Variants in LIN7A observed in about 807,000 individuals in gnomAD.
LIN7A encodes protein lin-7 homolog A.
A neutral mutation model predicts 29.8 loss-of-function variants in LIN7A; 25 were observed. The ratio of observed to expected loss-of-function variants is 0.84; its 90% confidence interval spans 0.61 to 1.17. LIN7A has a LOEUF of 1.17. Among genes scored for constraint, LIN7A ranks in the 50% most tolerant of loss-of-function variants. The probability of loss-of-function intolerance (pLI) is 0.00; values close to 1 mark genes in which losing one functional copy is unlikely to be tolerated. For missense variants in LIN7A, 239 were observed against 287.0 expected, an observed-to-expected ratio of 0.83 and a Z score of 1.21; for synonymous variants, 118 against 107.5, an observed-to-expected ratio of 1.10 and a Z score of -0.60.
intron 5 of LIN7A, among the ~76,000 whole-genome samples, chr12:80,801,192 A>G (rs1250831770): frequency 6.6e-6 from 1 of 152,198 alleles, no homozygotes; most frequent in Non-Finnish European, 1.5e-5. Context: ...ATACTTCTCT[A>G]CTGTCTAAAA....
intron 5 of LIN7A, among the ~76,000 whole-genome samples, chr12:80,798,447 A>G (rs1592840372): frequency 6.6e-6 from 1 of 152,172 alleles, no homozygotes; most frequent in Non-Finnish European, 1.5e-5. Flanking sequence ...TCCAGCTGTC[A>G]TGCTTTAAAG....
chr12:80,799,417 A>G (rs1358442884), intron 5 of LIN7A, among the ~76,000 whole-genome samples: 2 of 152,186 alleles, frequency 1.3e-5, no homozygotes, highest in Non-Finnish European at 2.9e-5. Flanking sequence ...ATCTCCATAA[A>G]CTATAAATAT....
At chr12:80,902,490 C>T (rs139458927) in intron 1 of LIN7A, among the ~76,000 whole-genome samples, 14 of 152,080 alleles carry the variant, frequency 9.2e-5, no homozygotes, top group African/African-American at 3.4e-4. Context: ...TTCCAATCTA[C>T]AAGTACGGGA....
intron 2 of LIN7A, among the ~76,000 whole-genome samples, chr12:80,869,422 T>A (rs1166558906): frequency 6.6e-6 from 1 of 152,078 alleles, no homozygotes; most frequent in Non-Finnish European, 1.5e-5. Flanking sequence ...CTGGTTGGAT[T>A]GCTTAGTTGG....
Position 80,793,745 on chromosome 12 carries a change from G to A in LIN7A, c.*3982C>T, listed in dbSNP as rs1243648138. 1 of 152,116 alleles carries A rather than the reference G, an allele frequency of 6.6e-6. No individual in the cohort carries two copies. 9.4% of individuals were successfully genotyped at this position (152,116 alleles called of 1,614,324 possible). Reference sequence around the variant, plus strand: ...TTTTGAAAATAGGAAGAGATTTAGGGATGGTGTCTCCAATTATTATGAATT... The same window carrying A: ...TTTTGAAAATAGGAAGAGATTTAGGAATGGTGTCTCCAATTATTATGAATT... On this transcript the variant is annotated 3_prime_UTR_variant, in exon 6 of 6. Coordinates refer to ENST00000552864, the MANE Select transcript of LIN7A (RefSeq NM_004664.4).
intron 2 of LIN7A, among the ~76,000 whole-genome samples, chr12:80,866,999 T>C (rs1874175309): frequency 6.6e-6 from 1 of 152,102 alleles, no homozygotes; most frequent in African/African-American, 2.4e-5. Context: ...TCTTGTTTTG[T>C]CACCCAGGCA....
intron 4 of LIN7A, among the ~76,000 whole-genome samples, chr12:80,813,051 C>T (rs1871366460): frequency 6.6e-6 from 1 of 151,904 alleles, no homozygotes; most frequent in African/African-American, 2.4e-5. Flanking sequence ...TGCTCTGTTG[C>T]CCAGGCTAGA....
chr12:80,936,136 G>T (rs1036818402), intron 1 of LIN7A, among the ~76,000 whole-genome samples: 2 of 152,116 alleles, frequency 1.3e-5, no homozygotes, highest in Admixed American at 1.3e-4. Flanking sequence ...GTTCTTACCG[G>T]CAATGGATTT....
rs1421458491 is a variant in LIN7A, at chr12:80,915,166, A to C, written c.82+22475T>G. The stretch of plus-strand genomic sequence containing the variant: ...AAATCAACAAGCAAAAAAAAAAAAA[A>C]CAAAAAAACAAAAAAAATTAACCCC... On this transcript the variant is annotated intron_variant, in intron 1 of 5. Transcript: ENST00000552864. 1.3e-5 allele frequency among the ~76,000 whole-genome samples: 2 copies of C among 149,816 alleles called. 1 individual carries two copies. The highest frequency in any genetic ancestry group is 3.9e-4 in the East Asian group (2 of 5,086).
intron 2 of LIN7A, among the ~76,000 whole-genome samples, chr12:80,853,125 C>T (rs1440395550): frequency 6.6e-6 from 1 of 152,112 alleles, no homozygotes; most frequent in Non-Finnish European, 1.5e-5. Context: ...GTTTAAGCCA[C>T]TACAGCTGGA....
intron 4 of LIN7A, among the ~76,000 whole-genome samples, chr12:80,820,008 A>G (rs1871719346): frequency 6.6e-6 from 1 of 152,198 alleles, no homozygotes; most frequent in South Asian, 2.1e-4. Flanking sequence ...AGAATGTTTA[A>G]AACTATCTAG....
chr12:80,922,210 C>T (rs547793472), intron 1 of LIN7A, among the ~76,000 whole-genome samples: 1 of 152,154 alleles, frequency 6.6e-6, no homozygotes, highest in Non-Finnish European at 1.5e-5. Context: ...TATAGCATTA[C>T]TTGGTCCACT....
chr12:80,824,659 A>G (rs1871971852), intron 4 of LIN7A, among the ~76,000 whole-genome samples: 1 of 152,252 alleles, frequency 6.6e-6, no homozygotes, highest in South Asian at 2.1e-4. Context: ...CAAAAAGATA[A>G]TCCACCATGA....
intron 1 of LIN7A, among the ~76,000 whole-genome samples, chr12:80,908,266 C>T (rs183790480): frequency 1.1e-3 from 165 of 152,098 alleles, no homozygotes; most frequent in Admixed American, 4.2e-3. Flanking sequence ...TATATACAAA[C>T]GTGTACCAAC....
intron 2 of LIN7A, among the ~76,000 whole-genome samples, chr12:80,875,826 C>T (rs946253533): frequency 9.2e-5 from 14 of 152,102 alleles, no homozygotes; most frequent in African/African-American, 3.4e-4. Flanking sequence ...AGGTAGATGA[C>T]TATTACTTAA....
intron 1 of LIN7A, among the ~76,000 whole-genome samples, chr12:80,907,382 G>A (rs1876539673): frequency 6.6e-6 from 1 of 152,084 alleles, no homozygotes; most frequent in Non-Finnish European, 1.5e-5. Context: ...CTACTATCTT[G>A]ATTCAAATCT....
intron 1 of LIN7A, among the ~76,000 whole-genome samples, chr12:80,906,177 G>C (rs928682468): frequency 3.9e-5 from 6 of 152,142 alleles, no homozygotes; most frequent in African/African-American, 1.4e-4. Context: ...CTAAAGAATG[G>C]AGTGTTCTGC....
chr12:80,929,806 C>G (rs1158338145), intron 1 of LIN7A, among the ~76,000 whole-genome samples: 1 of 152,052 alleles, frequency 6.6e-6, no homozygotes. Context: ...TATAGTTTCC[C>G]AAAACACCTT....
intron 4 of LIN7A, among the ~76,000 whole-genome samples, chr12:80,827,248 G>A (rs944224780): frequency 2.6e-5 from 4 of 152,084 alleles, no homozygotes; most frequent in Admixed American, 6.5e-5. Context: ...TTAGCTGGGC[G>A]TGGTGGTGGG....
Sources: allele counts gnomAD v4.1 joint callset (sites outside exome capture counted in the v4.1 genomes callset), GRCh38; gene constraint gnomAD v4.1.1; transcripts MANE v1.5; gene names NCBI Gene and HGNC (gene_info 2026-07-23, HGNC 2026-07-21).